Variants in ISM1 observed in about 807,000 individuals in gnomAD.
The protein encoded by ISM1 is isthmin-1.
Under a neutral mutation model 46.3 loss-of-function variants are expected in ISM1, and 25 were observed. That is an observed-to-expected ratio of 0.54 (90% CI 0.39 to 0.75). The LOEUF (loss-of-function observed/expected upper bound fraction) is 0.75, where lower values mean the gene tolerates loss of function less well. Ranked by LOEUF, ISM1 falls within the 30% of genes least tolerant of loss-of-function variation. The pLI, the probability that ISM1 is intolerant of heterozygous loss-of-function variation, is 0.00. For synonymous variants in ISM1, 255 were observed against 256.7 expected, an observed-to-expected ratio of 0.99 and a Z score of 0.06; for missense variants, 536 against 625.4, an observed-to-expected ratio of 0.86 and a Z score of 1.52.
the ISM1 span, among the ~76,000 whole-genome samples, chr20:13,318,682 CCAGTGCTATT>C: frequency 6.6e-6 from 1 of 152,152 alleles, no homozygotes; most frequent in African/African-American, 2.4e-5. Flanking sequence ...TGCTGGCTAT[CCAGTGCTATT>C]CAGTGCTAAT....
At position 13,299,579 on chromosome 20, in the gene ISM1, CAT is replaced by C; in HGVS notation, c.*121_*122del. ...CGGTCGTGTATATTTGTATATACCA[CAT>C]GAGTATTTCTCATACATTACGCTAG... is the stretch of plus-strand genomic sequence containing the variant. On this transcript the variant is annotated 3_prime_UTR_variant, in exon 6 of 6. Transcript: ENST00000262487. This position sits in a 1 kb window ranked among gnomAD's most constrained non-coding sequence, Gnocchi z 5.8. The C allele has an allele frequency of 2.1e-6, 2 of 938,522 alleles. No homozygotes were observed. The highest frequency in any genetic ancestry group is 3.2e-6 in the Non-Finnish European group (2 of 624,114). The allele number at this position is 938,522 out of a possible 1,614,324, so 58.1% of individuals were successfully genotyped here.
chr20:13,226,514 T>C (rs1176412192), intron 1 of ISM1, among the ~76,000 whole-genome samples: 1 of 152,324 alleles, frequency 6.6e-6, no homozygotes, highest in East Asian at 1.9e-4. Flanking sequence ...TTTTATTTCT[T>C]CATGAATTTG....
chr20:13,325,172 G>T, the ISM1 span, among the ~76,000 whole-genome samples: 837 of 152,284 alleles, frequency 5.5e-3, 9 homozygotes, highest in African/African-American at 0.018. Flanking sequence ...GGGGTGAGGT[G>T]GGGGGATGGC....
At chr20:13,228,179 G>T (rs964389401) in intron 1 of ISM1, among the ~76,000 whole-genome samples, 1 of 151,456 alleles carries the variant, frequency 6.6e-6, no homozygotes, top group African/African-American at 2.4e-5. Flanking sequence ...CACCATGTTG[G>T]CCAGGCTGGT....
At chr20:13,307,887 T>C in the ISM1 span, among the ~76,000 whole-genome samples, 1 of 152,250 alleles carries the variant, frequency 6.6e-6, no homozygotes, top group Non-Finnish European at 1.5e-5. Context: ...AGTGCTACTA[T>C]GGACAGTCCA....
chr20:13,255,193 A>T (rs1187868222), intron 1 of ISM1, among the ~76,000 whole-genome samples: 3 of 152,260 alleles, frequency 2.0e-5, no homozygotes, highest in African/African-American at 7.2e-5. Context: ...TCTGGAGGTG[A>T]CATTTAAGCT....
chr20:13,247,526 GT>G (rs1568669286), intron 1 of ISM1, among the ~76,000 whole-genome samples: 54 of 149,350 alleles, frequency 3.6e-4, no homozygotes, highest in Non-Finnish European at 4.5e-5. Context: ...GGGTGTGTGT[GT>G]GTGTGTGTGT....
rs750587651 is a variant in ISM1, at chr20:13,279,858, AG to A, written c.605del (p.Gly202AlafsTer74). 6.2e-7 allele frequency: 1 copy of A among 1,613,958 alleles called. No homozygotes were observed. Among genetic ancestry groups the A allele is most frequent in the Non-Finnish European group, 8.5e-7 (1 of 1,179,850 alleles). ...PPRGWDHTAP[G>X]HRTFETKDQP... The stretch of plus-strand genomic sequence containing the variant: ...CCAGGGGGTGGGACCATACAGCCCC[AG>A]GCCACCGGACTTTTGAAACCAAAGA... On this transcript the variant is annotated frameshift_variant, in exon 3 of 6. Coordinates refer to ENST00000262487, the MANE Select transcript of ISM1 (RefSeq NM_080826.2). LOFTEE classifies it high-confidence loss of function.
intron 1 of ISM1, among the ~76,000 whole-genome samples, chr20:13,234,423 G>A (rs1051026229): frequency 7.9e-5 from 12 of 152,202 alleles, no homozygotes; most frequent in Non-Finnish European, 1.5e-4. Context: ...AGATGAGTGC[G>A]GGTATCTTTT....
chr20:13,233,859 G>C (rs977056879), intron 1 of ISM1, among the ~76,000 whole-genome samples: 1 of 152,158 alleles, frequency 6.6e-6, no homozygotes, highest in Non-Finnish European at 1.5e-5. Flanking sequence ...CAGCCCTTGC[G>C]CCCAGAATGC....
At chr20:13,279,317 C>T (rs2040212964) in intron 2 of ISM1, among the ~76,000 whole-genome samples, 1 of 152,170 alleles carries the variant, frequency 6.6e-6, no homozygotes, top group Non-Finnish European at 1.5e-5. Flanking sequence ...TCTCCAGGCT[C>T]AGCCCTACTC....
rs1276796516 is a variant in ISM1, at chr20:13,221,587, C to T, written c.-190C>T. Among the ~76,000 whole-genome samples the T allele has an allele frequency of 6.9e-6, 1 of 145,958 alleles. No individual in the cohort carries two copies. The highest frequency in any genetic ancestry group is 2.0e-4 in the East Asian group (1 of 4,960). On this transcript the variant is annotated 5_prime_UTR_variant, in exon 1 of 6. Transcript: ENST00000262487. ...GCGGCGGCGGCGGCGCCGGCAGCTC[C>T]TGCTCCCCCGGCCCCGCACACCCCG...
chr20:13,311,243 T>TAGATAGATAGATGATAGATAGATA, the ISM1 span, among the ~76,000 whole-genome samples: 54 of 127,920 alleles, frequency 4.2e-4, no homozygotes, highest in East Asian at 1.5e-3. Flanking sequence ...GATAGATAGA[T>TAGATAGATAGATGATAGATAGATA]GATAGATAGA....
intron 1 of ISM1, among the ~76,000 whole-genome samples, chr20:13,268,135 T>TCTTCTCTTCTCTTCTCTTCTCTTCC (rs2040065025): frequency 4.0e-5 from 6 of 150,350 alleles, no homozygotes; most frequent in Admixed American, 4.0e-4. Flanking sequence ...TCTTCTCTTC[T>TCTTCTCTTCTCTTCTCTTCTCTTCC]CTTCTCTTCT....
chr20:13,237,385 G>A lies in ISM1; in HGVS notation c.138+15471G>A, dbSNP rs149016160. 6.0e-3 allele frequency among the ~76,000 whole-genome samples: 912 copies of A among 152,366 alleles called. 10 individuals carry two copies. The highest frequency in any genetic ancestry group is 0.021 in the African/African-American group (853 of 41,586). ...ATAATAAGGTAGTTAAGTGTACACA[G>A]TGGGAATGAACAAATGACAACTATA... On this transcript the variant is annotated intron_variant, in intron 1 of 5. Transcript: ENST00000262487.
chr20:13,301,380 G>A (rs1298644496), downstream of ISM1, among the ~76,000 whole-genome samples: 4 of 152,066 alleles, frequency 2.6e-5, no homozygotes, highest in Non-Finnish European at 5.9e-5. Flanking sequence ...GGAGAGATAA[G>A]GTTTCACCAT....
intron 1 of ISM1, among the ~76,000 whole-genome samples, chr20:13,251,129 T>G (rs2123193562): frequency 6.6e-6 from 1 of 152,302 alleles, no homozygotes; most frequent in East Asian, 1.9e-4. Flanking sequence ...CAGAGATCAA[T>G]CCAGTCATTT....
chr20:13,231,364 A>T (rs1333646069), intron 1 of ISM1, among the ~76,000 whole-genome samples: 1 of 152,182 alleles, frequency 6.6e-6, no homozygotes. Context: ...AATTACAGAG[A>T]TGGGCTGCAA....
chr20:13,307,577 GC>G, the ISM1 span, among the ~76,000 whole-genome samples: 1 of 152,054 alleles, frequency 6.6e-6, no homozygotes. Context: ...GCACTCCCAT[GC>G]CCCCGTCCAG....
Sources: allele counts gnomAD v4.1 joint callset (sites outside exome capture counted in the v4.1 genomes callset), GRCh38; gene constraint gnomAD v4.1.1; non-coding constraint Gnocchi (gnomAD v3.1); transcripts MANE v1.5; gene names NCBI Gene and HGNC (gene_info 2026-07-23, HGNC 2026-07-21).